The following ITPR2 variants were observed in gnomAD, a reference collection of about 807,000 sequenced individuals.
The protein encoded by ITPR2 is inositol 1,4,5-trisphosphate-gated calcium channel ITPR2.
Under a neutral mutation model 317.1 loss-of-function variants are expected in ITPR2, and 207 were observed. The ratio of observed to expected loss-of-function variants is 0.65; its 90% confidence interval spans 0.58 to 0.73. ITPR2 has a LOEUF of 0.73. Ranked by LOEUF, ITPR2 falls within the 30% of genes least tolerant of loss-of-function variation. The pLI is 0.00. For missense variants in ITPR2, 2,613 were observed against 3,284.0 expected, an observed-to-expected ratio of 0.80 and a Z score of 4.99; for synonymous variants, 1,156 against 1,149.1, an observed-to-expected ratio of 1.01 and a Z score of -0.12.
chr12:26,620,315 A>G (rs1190236638), intron 26 of ITPR2, among the ~76,000 whole-genome samples: 1 of 152,234 alleles, frequency 6.6e-6, no homozygotes, highest in Non-Finnish European at 1.5e-5. Context: ...AAGCATTTTG[A>G]TTAATTATCT....
intron 51 of ITPR2, among the ~76,000 whole-genome samples, chr12:26,412,055 G>A (rs1254405462): frequency 4.6e-5 from 7 of 152,084 alleles, no homozygotes; most frequent in Non-Finnish European, 1.5e-5. Context: ...TTTAAATGTT[G>A]TTTTTGTTAG....
At chr12:26,375,006 TG>T (rs776745671) in intron 55 of ITPR2, among the ~76,000 whole-genome samples, 7 of 152,250 alleles carry the variant, frequency 4.6e-5, no homozygotes, top group Non-Finnish European at 1.0e-4. Flanking sequence ...CAATATGGCA[TG>T]GGCTATGCTA....
chr12:26,476,881 A>G, intron 44 of ITPR2, 31 bp downstream of exon 44: 4 of 1,497,344 alleles, frequency 2.7e-6, no homozygotes, highest in Non-Finnish European at 3.7e-6. Flanking sequence ...AGGCTACCCA[A>G]TATTGACCAA....
intron 56 of ITPR2, 137 bp from the exon 57 acceptor site, chr12:26,339,620 G>A: frequency 8.0e-6 from 5 of 623,894 alleles, no homozygotes; most frequent in South Asian, 2.1e-5. Context: ...ATCAAAAAAG[G>A]GATTTTTTTA....
intron 1 of ITPR2, among the ~76,000 whole-genome samples, chr12:26,821,277 T>C (rs1950934070): frequency 1.3e-5 from 2 of 152,176 alleles, no homozygotes; most frequent in Non-Finnish European, 2.9e-5. Flanking sequence ...CAGGCAGAAA[T>C]TGGAGCCCTG....
At chr12:26,406,862 C>T (rs1940369997) in intron 52 of ITPR2, among the ~76,000 whole-genome samples, 1 of 152,146 alleles carries the variant, frequency 6.6e-6, no homozygotes, top group Non-Finnish European at 1.5e-5. Flanking sequence ...TGAATTTTAT[C>T]ACTTACAATG....
At chr12:26,767,070 C>T (rs1392944555) in intron 2 of ITPR2, among the ~76,000 whole-genome samples, 5 of 152,170 alleles carry the variant, frequency 3.3e-5, no homozygotes, top group Admixed American at 3.3e-4. Flanking sequence ...CTGCCAGTCC[C>T]CCAGTCATTC....
At chr12:26,557,874 C>T (rs116841305) in intron 35 of ITPR2, among the ~76,000 whole-genome samples, 2,668 of 152,224 alleles carry the variant, frequency 0.018, 46 homozygotes, top group Middle Eastern at 0.054. Context: ...AAAAAACTAA[C>T]TTCTTACATA....
intron 2 of ITPR2, among the ~76,000 whole-genome samples, chr12:26,775,348 G>A (rs1288422955): frequency 6.6e-6 from 1 of 151,998 alleles, no homozygotes; most frequent in Admixed American, 6.6e-5. Context: ...AAGTTTATTA[G>A]GCTAAAACAA....
rs1940694266 is a variant in ITPR2, at chr12:26,415,502, C to T, written c.7111-4G>A. Reference sequence around the variant, plus strand: ...CCCTGTACACCAAATCAAAAAGCTACAAAGATAAAGAAAACACTAATAAGA... The same window carrying T: ...CCCTGTACACCAAATCAAAAAGCTATAAAGATAAAGAAAACACTAATAAGA... On this transcript the variant is annotated splice_polypyrimidine_tract_variant and splice_region_variant and intron_variant, in intron 50 of 56. Coordinates refer to ENST00000381340, the MANE Select transcript of ITPR2 (RefSeq NM_002223.4). 2.0e-6 allele frequency: 3 copies of T among 1,522,056 alleles called. No homozygotes were observed. 94.3% of individuals were successfully genotyped at this position (1,522,056 alleles called of 1,614,324 possible).
intron 21 of ITPR2, among the ~76,000 whole-genome samples, chr12:26,646,053 T>TGTC (rs1272406562): frequency 6.8e-6 from 1 of 147,994 alleles, no homozygotes; most frequent in African/African-American, 2.5e-5. Flanking sequence ...TTCAAGCTGG[T>TGTC]GTCTTACAAA....
Position 26,578,710 on chromosome 12 carries a change from TAC to T in ITPR2, c.4630+1_4630+2del. 1 of 1,596,032 alleles carries T rather than the reference TAC, an allele frequency of 6.3e-7. No individual in the cohort carries two copies. Among genetic ancestry groups the T allele is most frequent in the Non-Finnish European group, 8.6e-7 (1 of 1,167,348 alleles). ...AATAAGTAAAACTCAAACTATGACTTACCCACTTCAGCCAAAGTTCTGATACA... is the reference window on the plus strand; with the variant it reads ...AATAAGTAAAACTCAAACTATGACTTCCACTTCAGCCAAAGTTCTGATACA... On this transcript the variant is annotated splice_donor_variant, in intron 34 of 56. Transcript: ENST00000381340. LOFTEE classifies it high-confidence loss of function.
chr12:26,397,621 T>A (rs1377661300), intron 54 of ITPR2, among the ~76,000 whole-genome samples: 2 of 152,162 alleles, frequency 1.3e-5, no homozygotes, highest in African/African-American at 4.8e-5. Context: ...GAATATAGCA[T>A]AATATTACAC....
At chr12:26,722,784 GA>G (rs557824126) in intron 4 of ITPR2, among the ~76,000 whole-genome samples, 9 of 149,294 alleles carry the variant, frequency 6.0e-5, no homozygotes, top group Middle Eastern at 3.4e-3. Flanking sequence ...GCATAATAGG[GA>G]AAAAAAAACA....
rs1193755391 is a variant in ITPR2 at position 26,606,662 on chromosome 12, T to C, written c.3463-3956A>G. Among the ~76,000 whole-genome samples the C allele has an allele frequency of 3.3e-5, 5 of 152,062 alleles. No homozygotes were observed. The South Asian group carries it at 6.2e-4, about 19-fold the overall frequency. On this transcript the variant is annotated intron_variant, in intron 26 of 56. Transcript: ENST00000381340. ...AAATTTTAGCACTGGCTAGGTATGA[T>C]AACTCATGCCTATAACCCCTATACT...
intron 45 of ITPR2, among the ~76,000 whole-genome samples, chr12:26,458,474 G>A (rs1475653513): frequency 6.6e-6 from 1 of 152,140 alleles, no homozygotes; most frequent in Non-Finnish European, 1.5e-5. Context: ...AAAGGGCCTG[G>A]CTGCCTGTCA....
At chr12:26,455,391 A>C (rs142780597) in intron 45 of ITPR2, among the ~76,000 whole-genome samples, 4 of 145,728 alleles carry the variant, frequency 2.7e-5, no homozygotes, top group African/African-American at 1.0e-4. Flanking sequence ...TGTGAGATAG[A>C]GTGGTTCTTA....
intron 5 of ITPR2, among the ~76,000 whole-genome samples, chr12:26,717,716 C>A (rs1196058709): frequency 6.6e-6 from 1 of 151,914 alleles, no homozygotes. Flanking sequence ...CCAGTGCATA[C>A]CTGAGGAAGA....
chr12:26,632,009 T>C lies in ITPR2; in HGVS notation c.2791A>G (p.Met931Val), dbSNP rs1287809330. 6 of 1,605,398 alleles carry C rather than the reference T, an allele frequency of 3.7e-6. No individual in the cohort carries two copies. In the African/African-American group the frequency reaches 8.1e-5, roughly 22 times the overall value. ...AAGATGGAGCCTCTACTGAGTACCA[T>C]CTGGGTCATCATCTCTCCCACCCCA... ...IHGVGEMMTQMVLSRGSIFPM... is the reference protein window; with the variant it reads ...IHGVGEMMTQVVLSRGSIFPM... Residue 931 changes from methionine (M) to valine (V), a missense_variant, in exon 22 of 57, where the codon ATG (methionine) becomes GTG (valine). Physicochemically the swap from Met to Val is conservative, Grantham distance 21. Coordinates refer to ENST00000381340, the MANE Select transcript of ITPR2 (RefSeq NM_002223.4).
Sources: allele counts gnomAD v4.1 joint callset (sites outside exome capture counted in the v4.1 genomes callset), GRCh38; gene constraint gnomAD v4.1.1; transcripts MANE v1.5; gene names NCBI Gene and HGNC (gene_info 2026-07-23, HGNC 2026-07-21).